ZCCHC14: variants seen among roughly 807,000 people sequenced by gnomAD.
ZCCHC14 encodes the protein zinc finger CCHC domain-containing protein 14.
Under a neutral mutation model 85.0 loss-of-function variants are expected in ZCCHC14, and 16 were observed. The ratio of observed to expected loss-of-function variants is 0.19; its 90% CI spans 0.13 to 0.29. The LOEUF (loss-of-function observed/expected upper bound fraction) is 0.29. ZCCHC14 is among the 10% of genes least tolerant of loss of function. The pLI is 1.00. For synonymous variants in ZCCHC14, 775 were observed against 630.7 expected (o/e 1.23, Z -3.43); for missense variants, 1,303 against 1,443.5 (o/e 0.90, Z 1.58).
At position 87,492,952 on chromosome 16, in the gene ZCCHC14, G is replaced by A. The variant is rs1405636547; in HGVS notation, c.-714C>T. Among the ~76,000 whole-genome samples the A allele has an allele frequency of 6.6e-6, 1 of 151,184 alleles. No individual in the cohort carries two copies. The highest frequency in any genetic ancestry group is 1.5e-5 in the Non-Finnish European group (1 of 67,740). On this transcript the variant is annotated 5_prime_UTR_variant, in exon 1 of 13. Transcript: ENST00000671377. The surrounding 1 kb of genome is among the most constrained non-coding windows in gnomAD (Gnocchi z 6.7). The stretch of plus-strand genomic sequence containing the variant: ...CGACGGCGACGGCGACGGCGACGGC[G>A]GAGGAGGCGCCGGCCGAGGAGCGGA...
intron 1 of ZCCHC14, among the ~76,000 whole-genome samples, chr16:87,490,612 TTAACC>T (rs1391469125): frequency 2.0e-5 from 3 of 152,232 alleles, no homozygotes; most frequent in Admixed American, 2.0e-4. Context: ...CCGGAGATCT[TTAACC>T]TAACCTAACA....
At position 87,491,419 on chromosome 16, in the gene ZCCHC14, G is replaced by A. The variant is rs1161803270; in HGVS notation, c.570+250C>T. Among the ~76,000 whole-genome samples the A allele has an allele frequency of 1.3e-5, 2 of 152,062 alleles. No individual in the cohort carries two copies. The highest frequency in any genetic ancestry group is 2.9e-5 in the Non-Finnish European group (2 of 68,002). Reference sequence around the variant, plus strand: ...TGTACGGCGGAGGCTTGGGATGTACGGCGGAGGCTTGGGATGTACGGTGGA... The same window carrying A: ...TGTACGGCGGAGGCTTGGGATGTACAGCGGAGGCTTGGGATGTACGGTGGA... On this transcript the variant is annotated intron_variant, in intron 1 of 12. Coordinates refer to ENST00000671377, the MANE Select transcript of ZCCHC14 (RefSeq NM_015144.3). This position sits in a 1 kb window ranked among gnomAD's most constrained non-coding sequence, Gnocchi z 5.9.
chr16:87,433,183 T>A lies in ZCCHC14; in HGVS notation c.713A>T (p.Asp238Val). The change falls in exon 3 of 13, where the codon GAC becomes GTC. Residue 238 changes from aspartate to valine, a missense_variant. By Grantham distance (152) the Asp-to-Val change is radical (BLOSUM62 -3). Transcript: ENST00000671377. ...KHSKVSVEKI[D>V]LKGLSHTKND... The stretch of plus-strand genomic sequence containing the variant: ...TTTTGTGTGTGATAATCCCTTCAGG[T>A]CTATCTTTTCAACACTCACTGTAAA... 1 of 1,614,104 alleles carries A rather than the reference T, an allele frequency of 6.2e-7. No individual in the cohort carries two copies. The highest frequency in any genetic ancestry group is 8.5e-7 in the Non-Finnish European group (1 of 1,180,000).
intron 2 of ZCCHC14, among the ~76,000 whole-genome samples, chr16:87,437,214 T>C (rs1285810845): frequency 6.6e-6 from 1 of 151,802 alleles, no homozygotes; most frequent in Non-Finnish European, 1.5e-5. Flanking sequence ...CTCATGCCTG[T>C]AATCACAGTT....
chr16:87,483,859 C>G (rs1912397507), intron 1 of ZCCHC14, among the ~76,000 whole-genome samples: 1 of 152,224 alleles, frequency 6.6e-6, no homozygotes, highest in African/African-American at 2.4e-5. Flanking sequence ...AAGGTCCCAT[C>G]TGCTGTCTGT....
chr16:87,461,883 A>G (rs566954111), intron 1 of ZCCHC14, among the ~76,000 whole-genome samples: 3 of 152,354 alleles, frequency 2.0e-5, no homozygotes, highest in Middle Eastern at 3.4e-3. Flanking sequence ...TCATGCAGGG[A>G]GAGGGACTAA....
At chr16:87,438,069 G>C (rs904959265) in intron 2 of ZCCHC14, among the ~76,000 whole-genome samples, 1 of 152,254 alleles carries the variant, frequency 6.6e-6, no homozygotes, top group African/African-American at 2.4e-5. Flanking sequence ...GCCACCTATG[G>C]AGAAAATGAG....
Position 87,420,287 on chromosome 16 carries a change from A to G in ZCCHC14, c.950+320T>C, listed in dbSNP as rs146790896. On this transcript the variant is annotated intron_variant, in intron 5 of 12. Coordinates refer to ENST00000671377, the MANE Select transcript of ZCCHC14 (RefSeq NM_015144.3). This position sits in a 1 kb window ranked among gnomAD's most constrained non-coding sequence, Gnocchi z 5.0. ...CCAGAGAAACTGTTTAAGAGACGCC[A>G]ATTTTATCTGGGAATAGTCTCAACC... Among the ~76,000 whole-genome samples the G allele has an allele frequency of 5.2e-3, 797 of 152,326 alleles. 3 individuals carry two copies. Among genetic ancestry groups the G allele is most frequent in the Non-Finnish European group, 8.2e-3 (560 of 68,038 alleles).
At chr16:87,476,895 G>A (rs113156736) in intron 1 of ZCCHC14, among the ~76,000 whole-genome samples, 10,665 of 151,980 alleles carry the variant, frequency 0.07, 446 homozygotes, top group Non-Finnish European at 0.1. Flanking sequence ...GGAAGGCTGA[G>A]GAGGGCAGAT....
At chr16:87,466,510 G>T (rs950719843) in intron 1 of ZCCHC14, among the ~76,000 whole-genome samples, 2 of 152,190 alleles carry the variant, frequency 1.3e-5, no homozygotes, top group East Asian at 3.8e-4. Flanking sequence ...CACCTACTGA[G>T]CCCTTCTAAG....
intron 10 of ZCCHC14, among the ~76,000 whole-genome samples, chr16:87,414,186 C>T (rs905485170): frequency 6.7e-6 from 1 of 150,358 alleles, no homozygotes; most frequent in Non-Finnish European, 1.5e-5. Context: ...AGTAACCCAC[C>T]TGCCCGGCAC....
At chr16:87,485,218 G>A (rs1482604193) in intron 1 of ZCCHC14, among the ~76,000 whole-genome samples, 5 of 152,126 alleles carry the variant, frequency 3.3e-5, no homozygotes, top group East Asian at 1.9e-4. Context: ...CATGACACAC[G>A]GCTGCTAGAA....
chr16:87,410,926 T>C (rs1351367993), intron 12 of ZCCHC14, among the ~76,000 whole-genome samples: 7 of 152,204 alleles, frequency 4.6e-5, no homozygotes, highest in African/African-American at 1.4e-4. Flanking sequence ...TTGTCAGAGT[T>C]GGGACCCACC....
At position 87,420,467 on chromosome 16, in the gene ZCCHC14, A is replaced by G. The variant is rs1909034862; in HGVS notation, c.950+140T>C. 1.6e-6 allele frequency: 1 copy of G among 610,156 alleles called. No homozygotes were observed. Among genetic ancestry groups the G allele is most frequent in the African/African-American group, 1.9e-5 (1 of 52,976 alleles). The allele number at this position is 610,156 out of a possible 1,614,324, so 37.8% of individuals were successfully genotyped here. On this transcript the variant is annotated intron_variant, in intron 5 of 12. Coordinates refer to ENST00000671377, the MANE Select transcript of ZCCHC14 (RefSeq NM_015144.3). The surrounding 1 kb of genome is among the most constrained non-coding windows in gnomAD (Gnocchi z 5.0). Reference sequence around the variant, plus strand: ...CCCGAATCCTCCAGAACTAATGGAAATCCCTAGAGGCCAAGTAGAGACCCA... The same window carrying G: ...CCCGAATCCTCCAGAACTAATGGAAGTCCCTAGAGGCCAAGTAGAGACCCA...
At chr16:87,476,269 G>C (rs1912001429) in intron 1 of ZCCHC14, among the ~76,000 whole-genome samples, 1 of 152,170 alleles carries the variant, frequency 6.6e-6, no homozygotes. Flanking sequence ...GATCGGTAAG[G>C]AATGAAAAGC....
Position 87,407,514 on chromosome 16 carries a change from T to G in ZCCHC14, c.*2766A>C, listed in dbSNP as rs1281954673. 2 of 152,088 alleles carry G rather than the reference T, an allele frequency of 1.3e-5. No individual in the cohort carries two copies. The highest frequency in any genetic ancestry group is 4.8e-5 in the African/African-American group (2 of 41,404). The allele number at this position is 152,088 out of a possible 1,614,324, so 9.4% of individuals were successfully genotyped here. A position where few individuals can be genotyped will look rare whatever the true frequency, so the allele number is the denominator to read the frequency against. ...AAAACTGAGTGTTTTGCTTAAAAAATAAAAAAGGATTAAATAGCTGTTGTA... is the reference window on the plus strand; with the variant it reads ...AAAACTGAGTGTTTTGCTTAAAAAAGAAAAAAGGATTAAATAGCTGTTGTA... On this transcript the variant is annotated 3_prime_UTR_variant, in exon 13 of 13. Coordinates refer to ENST00000671377, the MANE Select transcript of ZCCHC14 (RefSeq NM_015144.3).
At chr16:87,437,298 T>C (rs997536883) in intron 2 of ZCCHC14, among the ~76,000 whole-genome samples, 43 of 127,194 alleles carry the variant, frequency 3.4e-4, no homozygotes, top group Admixed American at 1.3e-3. Flanking sequence ...ATTTGCGCCA[T>C]TGCACTCCAG....
chr16:87,466,438 A>T (rs1486103333), intron 1 of ZCCHC14, among the ~76,000 whole-genome samples: 1 of 152,242 alleles, frequency 6.6e-6, no homozygotes, highest in African/African-American at 2.4e-5. Flanking sequence ...AACGGCAGTG[A>T]GCTTTTAGAG....
intron 2 of ZCCHC14, among the ~76,000 whole-genome samples, chr16:87,454,509 C>A (rs995677816): frequency 1.3e-5 from 2 of 152,124 alleles, no homozygotes; most frequent in Non-Finnish European, 2.9e-5. Flanking sequence ...CAAAAACTCT[C>A]AATGAAGAAT....
Sources: allele counts gnomAD v4.1 joint callset (sites outside exome capture counted in the v4.1 genomes callset), GRCh38; gene constraint gnomAD v4.1.1; non-coding constraint Gnocchi (gnomAD v3.1); transcripts MANE v1.5; gene names NCBI Gene and HGNC (gene_info 2026-07-23, HGNC 2026-07-21).